SHISA9: variants seen among roughly 807,000 people sequenced by gnomAD.
The protein encoded by SHISA9 is protein shisa-9.
SHISA9 carries 13 observed loss-of-function variants against 38.0 expected under a neutral mutation model. The observed-to-expected ratio is 0.34, with a 90% CI of 0.22 to 0.54. The LOEUF is 0.54. Ranked by LOEUF, SHISA9 falls within the 20% of genes least tolerant of loss-of-function variation. The probability of loss-of-function intolerance (pLI) is 0.91; values close to 1 mark genes in which losing one functional copy is unlikely to be tolerated. For missense variants in SHISA9, 538 were observed against 575.8 expected, an observed-to-expected ratio of 0.93 and a Z score of 0.67; for synonymous variants, 275 against 242.0, an observed-to-expected ratio of 1.14 and a Z score of -1.27.
chr16:13,004,943 G>GAAAAAAAAAAAAAAAAAAAAAAAAAA (rs59694628), intron 2 of SHISA9, among the ~76,000 whole-genome samples: 4 of 103,756 alleles, frequency 3.9e-5, no homozygotes, highest in Admixed American at 1.1e-4. Flanking sequence ...TTAAGAAAAA[G>GAAAAAAAAAAAAAAAAAAAAAAAAAA]AAAAAAAAAA....
intron 2 of SHISA9, among the ~76,000 whole-genome samples, chr16:13,195,768 A>G (rs1434183680): frequency 6.6e-6 from 1 of 152,066 alleles, no homozygotes; most frequent in Admixed American, 6.5e-5. Flanking sequence ...CCATAACCCC[A>G]ATCTAATCAT....
At chr16:13,267,055 A>C in the SHISA9 span, among the ~76,000 whole-genome samples, 8 of 152,230 alleles carry the variant, frequency 5.3e-5, no homozygotes, top group African/African-American at 7.2e-5. Context: ...TGGGTGGATA[A>C]AATCACAAAA....
downstream of SHISA9, among the ~76,000 whole-genome samples, chr16:13,242,537 C>G (rs568181492): frequency 4.0e-4 from 61 of 152,274 alleles, no homozygotes; most frequent in African/African-American, 1.3e-3. Context: ...CTCTCATCAT[C>G]CGGCTTCATG....
At chr16:13,095,931 C>G (rs967743502) in intron 2 of SHISA9, among the ~76,000 whole-genome samples, 2 of 152,138 alleles carry the variant, frequency 1.3e-5, no homozygotes, top group African/African-American at 4.8e-5. Flanking sequence ...GGGCAGGGCC[C>G]GAGAATTTCC....
chr16:13,077,590 G>A (rs1193191102), intron 2 of SHISA9, among the ~76,000 whole-genome samples: 1 of 152,136 alleles, frequency 6.6e-6, no homozygotes, highest in Non-Finnish European at 1.5e-5. Flanking sequence ...ACACCCAAAA[G>A]CCTCTAGTAC....
downstream of SHISA9, among the ~76,000 whole-genome samples, chr16:13,245,074 C>G (rs1034375844): frequency 6.6e-6 from 1 of 152,068 alleles, no homozygotes; most frequent in African/African-American, 2.4e-5. Flanking sequence ...TGCCACCATG[C>G]CCAGCTAATT....
chr16:13,234,760 G>A (rs566894413), intron 4 of SHISA9, among the ~76,000 whole-genome samples: 23 of 152,214 alleles, frequency 1.5e-4, no homozygotes, highest in South Asian at 6.2e-4. Context: ...TGGGACTGTG[G>A]GGGGAGAAGT....
chr16:13,256,546 C>T, the SHISA9 span, among the ~76,000 whole-genome samples: 4 of 152,194 alleles, frequency 2.6e-5, no homozygotes, highest in East Asian at 5.8e-4. Context: ...TACTAAAGTG[C>T]TGGGATTACA....
chr16:13,176,391 C>T (rs1233328997), intron 2 of SHISA9, among the ~76,000 whole-genome samples: 1 of 152,188 alleles, frequency 6.6e-6, no homozygotes, highest in Admixed American at 6.5e-5. Context: ...ACAGGTCACA[C>T]CACGCCTACT....
At chr16:13,139,394 T>TTCCTTCCTTCCTTCC (rs2050378798) in intron 2 of SHISA9, among the ~76,000 whole-genome samples, 8 of 94,990 alleles carry the variant, frequency 8.4e-5, no homozygotes, top group African/African-American at 3.7e-4. Context: ...CCCTTCCTTC[T>TTCCTTCCTTCCTTCC]TTCCTTCCTT....
intron 2 of SHISA9, among the ~76,000 whole-genome samples, chr16:13,113,982 C>G (rs1178894096): frequency 6.6e-6 from 1 of 152,072 alleles, no homozygotes; most frequent in Non-Finnish European, 1.5e-5. Flanking sequence ...ATGCTGTAAA[C>G]CTGGAATTGT....
chr16:13,437,432 A>C, the SHISA9 span, among the ~76,000 whole-genome samples: 1 of 152,216 alleles, frequency 6.6e-6, no homozygotes, highest in South Asian at 2.1e-4. Context: ...TCAGTAAAAA[A>C]GACATTATCA....
chr16:13,417,548 C>T, the SHISA9 span, among the ~76,000 whole-genome samples: 1 of 152,228 alleles, frequency 6.6e-6, no homozygotes, highest in Admixed American at 6.5e-5. Context: ...ACAGTGTACT[C>T]ACTTCTTTCT....
At chr16:13,518,347 A>G in the SHISA9 span, among the ~76,000 whole-genome samples, 3 of 152,086 alleles carry the variant, frequency 2.0e-5, no homozygotes, top group Non-Finnish European at 2.9e-5. Flanking sequence ...AGACTTTACA[A>G]CAGTGTGCCG....
At chr16:13,266,167 T>C in the SHISA9 span, among the ~76,000 whole-genome samples, 1 of 152,218 alleles carries the variant, frequency 6.6e-6, no homozygotes, top group Non-Finnish European at 1.5e-5. Context: ...GAGTCTCCTT[T>C]GCCAATGTCC....
the SHISA9 span, among the ~76,000 whole-genome samples, chr16:13,467,400 T>A: frequency 2.0e-5 from 3 of 152,188 alleles, no homozygotes; most frequent in Non-Finnish European, 4.4e-5. Flanking sequence ...ATTCTGAGCC[T>A]GGCACTAGCC....
At chr16:13,113,209 C>CAAAAAAAAA (rs35316820) in intron 2 of SHISA9, among the ~76,000 whole-genome samples, 11 of 65,264 alleles carry the variant, frequency 1.7e-4, no homozygotes, top group African/African-American at 6.1e-4. Context: ...GACTCCATCT[C>CAAAAAAAAA]AAAAAAAAAA....
the SHISA9 span, among the ~76,000 whole-genome samples, chr16:13,335,894 A>G: frequency 6.6e-6 from 1 of 152,224 alleles, no homozygotes; most frequent in East Asian, 1.9e-4. Flanking sequence ...ATTATCAACC[A>G]AAGAATGAAG....
the SHISA9 span, among the ~76,000 whole-genome samples, chr16:13,434,961 T>C: frequency 1.3e-5 from 2 of 152,226 alleles, no homozygotes; most frequent in Non-Finnish European, 2.9e-5. Context: ...GAGAAAGCCT[T>C]TGGGGCTTAA....
Sources: gnomAD v4.1 joint callset for allele counts (sites outside exome capture counted in the v4.1 genomes callset) on GRCh38, gnomAD v4.1.1 for gene constraint, MANE v1.5 for transcripts, NCBI Gene and HGNC (gene_info 2026-07-23, HGNC 2026-07-21) for gene names.